SPECC1L: variants seen among roughly 807,000 people sequenced by gnomAD.
SPECC1L encodes the protein cytospin-A.
In SPECC1L, 40 loss-of-function variants were observed where a neutral mutation model predicts 116.8. The ratio of observed to expected loss-of-function variants is 0.34; its 90% CI spans 0.27 to 0.45. The LOEUF (loss-of-function observed/expected upper bound fraction) is 0.45. Among genes scored for constraint, SPECC1L ranks in the 20% least tolerant of loss-of-function variants. The pLI, the probability that SPECC1L is intolerant of heterozygous loss-of-function variation, is 1.00. For synonymous variants in SPECC1L, 504 were observed against 500.6 expected, an observed-to-expected ratio of 1.01 and a Z score of -0.09; for missense variants, 1,110 against 1,373.6, an observed-to-expected ratio of 0.81 and a Z score of 3.03.
At chr22:24,295,972 T>C (rs2049253666) in intron 2 of SPECC1L, among the ~76,000 whole-genome samples, 1 of 152,128 alleles carries the variant, frequency 6.6e-6, no homozygotes, top group Admixed American at 6.5e-5. Context: ...ATACCAGCAC[T>C]GATGACAACA....
At chr22:24,287,043 G>A (rs538375447) in intron 2 of SPECC1L, among the ~76,000 whole-genome samples, 47 of 152,378 alleles carry the variant, frequency 3.1e-4, no homozygotes, top group African/African-American at 1.1e-3. Context: ...AGGTAAGAGG[G>A]ATGGGGGGCC....
intron 5 of SPECC1L, 41 bp from the exon 6 acceptor site, chr22:24,324,179 A>T: frequency 6.4e-7 from 1 of 1,551,116 alleles, no homozygotes. Context: ...CCTTAGAACA[A>T]CTCTTAACTT....
intron 11 of SPECC1L, among the ~76,000 whole-genome samples, chr22:24,362,253 G>A (rs953890029): frequency 2.0e-5 from 3 of 152,156 alleles, no homozygotes; most frequent in Non-Finnish European, 4.4e-5. Flanking sequence ...GGTGGGGGCT[G>A]GCAGGGAAGC....
At chr22:24,399,634 G>C (rs2042433791) in intron 14 of SPECC1L, among the ~76,000 whole-genome samples, 1 of 152,124 alleles carries the variant, frequency 6.6e-6, no homozygotes, top group African/African-American at 2.4e-5. Flanking sequence ...TTTTGTTTTT[G>C]TGAAGCTTCA....
At chr22:24,307,627 G>A (rs1179752013) in intron 3 of SPECC1L, among the ~76,000 whole-genome samples, 6 of 151,902 alleles carry the variant, frequency 3.9e-5, no homozygotes, top group East Asian at 1.9e-4. Flanking sequence ...ATGTATGTAC[G>A]TACGTGTATG....
In SPECC1L at chr22:24,306,657, C is replaced by T. The variant is rs5996688; in HGVS notation, c.153+4273C>T. 8.8e-3 allele frequency among the ~76,000 whole-genome samples: 1,335 copies of T among 152,276 alleles called. 19 individuals are homozygous for T. The highest frequency in any genetic ancestry group is 0.031 in the African/African-American group (1,272 of 41,538). On this transcript the variant is annotated intron_variant, in intron 3 of 16. Transcript: ENST00000314328. Reference sequence around the variant, plus strand: ...TGACGGTGGGATTTTAGGTGTGAGCCACTGTGCCCAACCATCTTAACAATT... The same window carrying T: ...TGACGGTGGGATTTTAGGTGTGAGCTACTGTGCCCAACCATCTTAACAATT...
At chr22:24,338,675 T>G (rs2041111477) in intron 10 of SPECC1L, among the ~76,000 whole-genome samples, 198 bp downstream of exon 10, 1 of 152,246 alleles carries the variant, frequency 6.6e-6, no homozygotes, top group African/African-American at 2.4e-5. Flanking sequence ...GTTATTCTGA[T>G]AGACTCTAAT....
chr22:24,310,098 AGGT>A (rs1233499820), intron 3 of SPECC1L, among the ~76,000 whole-genome samples: 4 of 152,224 alleles, frequency 2.6e-5, no homozygotes, highest in Non-Finnish European at 4.4e-5. Flanking sequence ...TTTACACAAA[AGGT>A]GGCAAAATAT....
chr22:24,283,078 G>T (rs750469743), intron 2 of SPECC1L, among the ~76,000 whole-genome samples: 19 of 139,096 alleles, frequency 1.4e-4, no homozygotes, highest in Non-Finnish European at 2.8e-4. Context: ...GTGCCTGGCC[G>T]ATAACTTTGT....
At chr22:24,306,237 AT>A (rs1166525196) in intron 3 of SPECC1L, among the ~76,000 whole-genome samples, 1 of 151,576 alleles carries the variant, frequency 6.6e-6, no homozygotes, top group Non-Finnish European at 1.5e-5. Flanking sequence ...CTCAGTGGAC[AT>A]TTAGACCCTC....
chr22:24,343,462 T>G, intron 10 of SPECC1L: 1 of 448,210 alleles, frequency 2.2e-6, no homozygotes, highest in Non-Finnish European at 4.5e-6. Context: ...TTTTTTTTTG[T>G]TTTGTTTTGT....
intron 14 of SPECC1L, among the ~76,000 whole-genome samples, chr22:24,392,190 T>G (rs929099469): frequency 2.0e-5 from 3 of 152,208 alleles, no homozygotes; most frequent in Admixed American, 2.0e-4. Flanking sequence ...CTTCAGTAAG[T>G]TTCCAGTAAG....
intron 13 of SPECC1L, among the ~76,000 whole-genome samples, chr22:24,366,738 A>G (rs766870130): frequency 1.3e-5 from 2 of 152,200 alleles, no homozygotes; most frequent in African/African-American, 4.8e-5. Flanking sequence ...GTGGTGCTAC[A>G]TTAATAATTG....
intron 2 of SPECC1L, among the ~76,000 whole-genome samples, chr22:24,289,284 C>G (rs2049111153): frequency 6.6e-6 from 1 of 152,206 alleles, no homozygotes; most frequent in Non-Finnish European, 1.5e-5. Context: ...TGGACTAAAT[C>G]TGGAAAAATC....
intron 1 of SPECC1L, among the ~76,000 whole-genome samples, chr22:24,271,488 C>A (rs2048726446): frequency 6.6e-6 from 1 of 152,242 alleles, no homozygotes; most frequent in South Asian, 2.1e-4. Context: ...CTGTGGCCGG[C>A]GCCCGAGGCG....
chr22:24,347,132 C>G lies in SPECC1L; in HGVS notation c.2699C>G (p.Ala900Gly). 2 of 1,613,988 alleles carry G rather than the reference C, an allele frequency of 1.2e-6. No homozygotes were observed. Among genetic ancestry groups the G allele is most frequent in the Non-Finnish European group, 1.7e-6 (2 of 1,179,902 alleles). ...GPISTSKPLTALSDKRPNYGE... is the reference protein window; with the variant it reads ...GPISTSKPLTGLSDKRPNYGE... ...ATCTCAACATCCAAACCCCTGACAG[C>G]CCTGTCAGATAAGAGACCAAACTAT... Residue 900 changes from alanine (A) to glycine (G), a missense_variant, in exon 11 of 17, where the codon GCC becomes GGC. Physicochemically the swap from Ala to Gly is moderately conservative, Grantham distance 60. This residue lies in a region of SPECC1L where 575 missense variants were observed against 682.4 expected (regional missense o/e 0.84). Transcript: ENST00000314328.
At chr22:24,365,756 G>T in intron 13 of SPECC1L, 124 bp downstream of exon 13, 1 of 1,110,478 alleles carries the variant, frequency 9.0e-7, no homozygotes, top group South Asian at 1.3e-5. Context: ...TGTGTTGTTT[G>T]CGAATCTTTC....
intron 3 of SPECC1L, among the ~76,000 whole-genome samples, chr22:24,310,641 T>C (rs1450009144): frequency 1.3e-5 from 2 of 152,178 alleles, no homozygotes; most frequent in African/African-American, 4.8e-5. Context: ...TGTGATTCAT[T>C]CATTTTGTTC....
At chr22:24,333,516 A>T (rs1004177599) in intron 8 of SPECC1L, among the ~76,000 whole-genome samples, 10 of 151,154 alleles carry the variant, frequency 6.6e-5, no homozygotes, top group Non-Finnish European at 1.3e-4. Context: ...GATGCATCAC[A>T]CTGAGCTTCT....
Sources: gnomAD v4.1 joint callset for allele counts (sites outside exome capture counted in the v4.1 genomes callset) on GRCh38, gnomAD v4.1.1 for gene constraint, gnomAD v4.1.1 regional missense constraint, MANE v1.5 for transcripts, NCBI Gene and HGNC (gene_info 2026-07-23, HGNC 2026-07-21) for gene names.